Variants in LIAT1 observed in about 807,000 individuals in gnomAD.
LIAT1 encodes the protein protein LIAT1.
the LIAT1 span, among the ~76,000 whole-genome samples, chr17:412,877 C>T: frequency 1.3e-5 from 2 of 152,228 alleles, no homozygotes; most frequent in African/African-American, 2.4e-5. Flanking sequence ...TTTGGAGCTT[C>T]GGTTTCCTCA....
At chr17:411,941 C>G in the LIAT1 span, among the ~76,000 whole-genome samples, 1 of 152,142 alleles carries the variant, frequency 6.6e-6, no homozygotes, top group Non-Finnish European at 1.5e-5. Context: ...AGAGCTGGCA[C>G]CAAGGCAAGC....
At chr17:410,453 G>A in the LIAT1 span, 2 of 1,540,078 alleles carry the variant, frequency 1.3e-6, no homozygotes, top group Non-Finnish European at 1.7e-6. Context: ...GCGGGCGGCT[G>A]GACCGCCGCG....
At chr17:411,177 G>A in the LIAT1 span, among the ~76,000 whole-genome samples, 1 of 152,146 alleles carries the variant, frequency 6.6e-6, no homozygotes, top group Non-Finnish European at 1.5e-5. Context: ...CTCGCTGCAT[G>A]GGCTCCCCCT....
the LIAT1 span, chr17:414,639 T>C: frequency 6.4e-6 from 1 of 156,460 alleles, no homozygotes; most frequent in South Asian, 1.9e-4. This position sits in a 1 kb window ranked among gnomAD's most constrained non-coding sequence, Gnocchi z 4.1. Context: ...GGAATACTGC[T>C]TCTTTCATAA....
At chr17:411,533 TCAAAA>T in the LIAT1 span, among the ~76,000 whole-genome samples, 1 of 151,992 alleles carries the variant, frequency 6.6e-6, no homozygotes, top group Non-Finnish European at 1.5e-5. Context: ...ACCCTGTCTC[TCAAAA>T]AAACAAACAA....
chr17:413,399 A>T, the LIAT1 span: 1 of 1,614,250 alleles, frequency 6.2e-7, no homozygotes, highest in Non-Finnish European at 8.5e-7. Flanking sequence ...GAAGGAAAGG[A>T]TTCGCATCTA....
At chr17:412,564 C>T in the LIAT1 span, among the ~76,000 whole-genome samples, 1 of 151,186 alleles carries the variant, frequency 6.6e-6, no homozygotes, top group Non-Finnish European at 1.5e-5. Context: ...TTCTGAAGTG[C>T]TATTGATGTT....
the LIAT1 span, among the ~76,000 whole-genome samples, chr17:411,073 C>G: frequency 6.6e-6 from 1 of 152,226 alleles, no homozygotes; most frequent in East Asian, 1.9e-4. Flanking sequence ...AGGGCAGACT[C>G]CTGCCTCCCC....
At chr17:410,664 C>T in the LIAT1 span, 1 of 1,536,120 alleles carries the variant, frequency 6.5e-7, no homozygotes. Flanking sequence ...GAGCAGCTAG[C>T]CCGGCTGCGT....
At chr17:413,920 C>G in the LIAT1 span, 1 of 1,613,938 alleles carries the variant, frequency 6.2e-7, no homozygotes, top group East Asian at 2.2e-5. Flanking sequence ...ACCCCGACCC[C>G]GAGGCCCTCA....
At chr17:410,648 T>G in the LIAT1 span, 76 of 1,539,014 alleles carry the variant, frequency 4.9e-5, no homozygotes, top group Admixed American at 1.2e-3. Flanking sequence ...AGGGGGACGG[T>G]AAGAGGAGCA....
chr17:411,306 A>G, the LIAT1 span, among the ~76,000 whole-genome samples: 3 of 152,126 alleles, frequency 2.0e-5, no homozygotes, highest in Non-Finnish European at 2.9e-5. Context: ...TGTAACACCC[A>G]CAGTGAAACT....
At chr17:410,514 C>A in the LIAT1 span, 4 of 1,544,598 alleles carry the variant, frequency 2.6e-6, no homozygotes, top group East Asian at 2.4e-5. Context: ...GGAGGAGGAG[C>A]GGGAGGGCGG....
At chr17:413,232 C>T in the LIAT1 span, 38 of 1,614,042 alleles carry the variant, frequency 2.4e-5, 1 homozygote, top group South Asian at 1.9e-4. Context: ...GAGCGTGGCC[C>T]GAAACCAGAG....
chr17:413,725 C>T, the LIAT1 span: 4,560 of 1,121,670 alleles, frequency 4.1e-3, 150 homozygotes, highest in South Asian at 0.015. Flanking sequence ...CCCTCAAGGG[C>T]TTCCACCCCG....
the LIAT1 span, chr17:413,019 TG>T: frequency 9.7e-7 from 1 of 1,026,830 alleles, no homozygotes; most frequent in Non-Finnish European, 1.4e-6. Context: ...CTGGTGGGCT[TG>T]GCAGCCTGAG....
chr17:412,874 C>G, the LIAT1 span, among the ~76,000 whole-genome samples: 1 of 152,258 alleles, frequency 6.6e-6, no homozygotes, highest in Non-Finnish European at 1.5e-5. Flanking sequence ...CCTTTTGGAG[C>G]TTCGGTTTCC....
chr17:410,706 C>A, the LIAT1 span: 1 of 1,460,230 alleles, frequency 6.8e-7, no homozygotes, highest in Non-Finnish European at 9.2e-7. Context: ...TCTTTGGGGA[C>A]CCACCCCCCA....
At chr17:413,650 T>C in the LIAT1 span, 4,954 of 844,572 alleles carry the variant, frequency 5.9e-3, 236 homozygotes, top group South Asian at 0.025. Flanking sequence ...ACCCCGACCC[T>C]GAGGCCCTCA....
Sources: allele counts gnomAD v4.1 joint callset (sites outside exome capture counted in the v4.1 genomes callset), GRCh38; gene constraint gnomAD v4.1.1; non-coding constraint Gnocchi (gnomAD v3.1); transcripts MANE v1.5; gene names NCBI Gene and HGNC (gene_info 2026-07-23, HGNC 2026-07-21).